Variants in INO80D observed in about 807,000 individuals in gnomAD.
The protein encoded by INO80D is INO80 complex subunit D.
INO80D carries 21 observed loss-of-function variants against 87.6 expected under a neutral mutation model. That is an observed-to-expected ratio of 0.24 (90% CI 0.17 to 0.35). INO80D has a LOEUF of 0.35. Ranked by LOEUF, INO80D falls within the 10% of genes least tolerant of loss-of-function variation. The pLI, the probability that INO80D is intolerant of heterozygous loss-of-function variation, is 1.00. For missense variants in INO80D, 982 were observed against 1,280.7 expected (o/e 0.77, Z 3.56); for synonymous variants, 440 against 491.0 (o/e 0.90, Z 1.37).
At chr2:206,011,039 T>C (rs908643732) in intron 8 of INO80D, among the ~76,000 whole-genome samples, 15 of 149,534 alleles carry the variant, frequency 1.0e-4, no homozygotes, top group African/African-American at 3.5e-4. Flanking sequence ...GATTATGCCA[T>C]TGCACTTCAG....
chr2:206,030,710 T>C (rs923301860), intron 5 of INO80D, among the ~76,000 whole-genome samples: 1 of 152,182 alleles, frequency 6.6e-6, no homozygotes, highest in Non-Finnish European at 1.5e-5. Flanking sequence ...TTAAAGAGTT[T>C]AACCTTTATT....
rs757787067 is a variant in INO80D at position 206,056,750 on chromosome 2, C to T, written c.412G>A (p.Val138Ile). 1.2e-6 allele frequency: 2 copies of T among 1,613,018 alleles called. No homozygotes were observed. Among genetic ancestry groups the T allele is most frequent in the Non-Finnish European group, 1.7e-6 (2 of 1,179,396 alleles). Residue 138 changes from valine to isoleucine, a missense_variant, in exon 4 of 11, where the codon GTC becomes ATC. By Grantham distance (29) the Val-to-Ile change is conservative. Coordinates refer to ENST00000403263, the MANE Select transcript of INO80D (RefSeq NM_017759.5). ...GMSLSPPGAR[V>I]PLHYLETELE... The stretch of plus-strand genomic sequence containing the variant: ...TCGGTTTCCAGGTAGTGGAGAGGGA[C>T]CCTTGCCCCAGGTGGAGAGAGGGAC...
intron 3 of INO80D, among the ~76,000 whole-genome samples, chr2:206,061,349 G>GA (rs1474196519): frequency 2.6e-5 from 4 of 151,550 alleles, no homozygotes; most frequent in East Asian, 1.9e-4. Context: ...TGGCTCAACT[G>GA]AAAAAAAATC....
At chr2:206,025,206 A>G (rs1688571881) in intron 6 of INO80D, among the ~76,000 whole-genome samples, 1 of 151,840 alleles carries the variant, frequency 6.6e-6, no homozygotes, top group Non-Finnish European at 1.5e-5. Context: ...TTTTTTCTCT[A>G]TATATGTACT....
intron 1 of INO80D, among the ~76,000 whole-genome samples, chr2:206,076,999 C>T (rs1690133976): frequency 6.6e-6 from 1 of 152,150 alleles, no homozygotes; most frequent in Non-Finnish European, 1.5e-5. Context: ...AGAAGCCGGG[C>T]GCGGTGGCTC....
At chr2:206,027,754 T>A (rs181361409) in intron 6 of INO80D, among the ~76,000 whole-genome samples, 78 of 152,180 alleles carry the variant, frequency 5.1e-4, no homozygotes, top group African/African-American at 1.8e-3. Flanking sequence ...AAATAACACA[T>A]GTAAATAAAC....
chr2:206,055,553 T>C (rs901680583), intron 4 of INO80D, among the ~76,000 whole-genome samples: 4 of 152,118 alleles, frequency 2.6e-5, no homozygotes, highest in Admixed American at 6.6e-5. Flanking sequence ...GATGCACAGG[T>C]GTTAAACTCA....
rs758448217 is a variant in INO80D at position 206,019,802 on chromosome 2, T to C, written c.1342A>G (p.Ser448Gly). 1.4e-5 allele frequency: 23 copies of C among 1,613,862 alleles called. No individual in the cohort carries two copies. In the East Asian group the frequency reaches 5.1e-4, roughly 36 times the overall value. Residue 448 changes from serine to glycine, a missense_variant, in exon 7 of 11, where the codon AGT becomes GGT. Physicochemically the swap from Ser to Gly is moderately conservative, Grantham distance 56 (BLOSUM62 0). Coordinates refer to ENST00000403263, the MANE Select transcript of INO80D (RefSeq NM_017759.5). Reference protein sequence around the residue: ...KLREVEPAACSGTVKGEQCAN... With the variant: ...KLREVEPAACGGTVKGEQCAN... ...CACTGTTCACCCTTCACGGTTCCAC[T>C]GCATGCTGCTGGTTCCACCTCCCTC...
At chr2:206,046,258 C>A (rs1301315706) in intron 5 of INO80D, among the ~76,000 whole-genome samples, 1 of 151,990 alleles carries the variant, frequency 6.6e-6, no homozygotes, top group African/African-American at 2.4e-5. Flanking sequence ...AAACTAGGGC[C>A]GGGCGTGGTA....
intron 6 of INO80D, among the ~76,000 whole-genome samples, chr2:206,026,129 C>T (rs1043425955): frequency 6.6e-6 from 1 of 152,044 alleles, no homozygotes; most frequent in Admixed American, 6.6e-5. Flanking sequence ...GAATTCGTGA[C>T]CTCAAGTGAT....
At chr2:206,010,341 T>C (rs1299781940) in intron 8 of INO80D, among the ~76,000 whole-genome samples, 1 of 152,068 alleles carries the variant, frequency 6.6e-6, no homozygotes, top group Non-Finnish European at 1.5e-5. Flanking sequence ...AGTTGTTCTA[T>C]TGCTGAAGTA....
At chr2:206,029,546 A>C (rs549389362) in intron 5 of INO80D, among the ~76,000 whole-genome samples, 39 of 152,288 alleles carry the variant, frequency 2.6e-4, no homozygotes, top group Non-Finnish European at 4.4e-4. Flanking sequence ...ATATTCTCTT[A>C]CTAATCTTCT....
intron 3 of INO80D, among the ~76,000 whole-genome samples, chr2:206,059,417 T>C (rs1281756252): frequency 6.6e-6 from 1 of 152,074 alleles, no homozygotes; most frequent in Non-Finnish European, 1.5e-5. Context: ...AGAGAACCTA[T>C]TTTTACTGTA....
At chr2:206,077,425 A>C (rs1221316751) in intron 1 of INO80D, among the ~76,000 whole-genome samples, 1 of 152,192 alleles carries the variant, frequency 6.6e-6, no homozygotes, top group South Asian at 2.1e-4. Flanking sequence ...GTAGGACTAA[A>C]ATACATTCTC....
chr2:206,061,532 G>T (rs1243928658), intron 3 of INO80D, among the ~76,000 whole-genome samples: 1 of 152,200 alleles, frequency 6.6e-6, no homozygotes, highest in Non-Finnish European at 1.5e-5. Context: ...TAACTAGACA[G>T]ATATATTTAG....
At chr2:206,073,106 G>A (rs1462429882) in intron 1 of INO80D, among the ~76,000 whole-genome samples, 1 of 151,964 alleles carries the variant, frequency 6.6e-6, no homozygotes, top group Non-Finnish European at 1.5e-5. Flanking sequence ...CAAAGTGCTG[G>A]GATTACAGGC....
intron 1 of INO80D, among the ~76,000 whole-genome samples, chr2:206,066,355 A>G (rs924779675): frequency 2.0e-5 from 3 of 152,230 alleles, no homozygotes; most frequent in Admixed American, 2.0e-4. Context: ...AAAAGGAAAT[A>G]ATACATCAAA....
intron 1 of INO80D, among the ~76,000 whole-genome samples, chr2:206,066,749 G>A (rs989635429): frequency 6.7e-6 from 1 of 149,236 alleles, no homozygotes; most frequent in Non-Finnish European, 1.5e-5. Flanking sequence ...TGGTTGCAGT[G>A]AGCCGAGATC....
chr2:206,012,366 T>C (rs1358670833), intron 8 of INO80D, among the ~76,000 whole-genome samples: 1 of 152,004 alleles, frequency 6.6e-6, no homozygotes, highest in East Asian at 1.9e-4. Context: ...CACTCAAAAG[T>C]GAATTCAATT....
Sources: allele counts gnomAD v4.1 joint callset (sites outside exome capture counted in the v4.1 genomes callset), GRCh38; gene constraint gnomAD v4.1.1; transcripts MANE v1.5; gene names NCBI Gene and HGNC (gene_info 2026-07-23, HGNC 2026-07-21).